RORA: variants seen among roughly 807,000 people sequenced by gnomAD.
RORA encodes the protein nuclear receptor ROR-alpha.
A neutral mutation model predicts 69.5 loss-of-function variants in RORA; 7 were observed. The observed-to-expected ratio is 0.10, with a 90% confidence interval of 0.06 to 0.19. The LOEUF (loss-of-function observed/expected upper bound fraction) is 0.19. Among genes scored for constraint, RORA ranks in the 10% least tolerant of loss-of-function variants. The pLI is 1.00. For synonymous variants in RORA, 261 were observed against 240.8 expected (o/e 1.08, Z -0.78); for missense variants, 457 against 663.0 (o/e 0.69, Z 3.41).
At position 60,490,228 on chromosome 15, in the gene RORA, G is replaced by T. The variant is rs2065019840; in HGVS notation, c.*7227C>A. The stretch of plus-strand genomic sequence containing the variant: ...GTGAAATTAACAAGACCCAAAGGTG[G>T]TATTGTCTAGGAATAAAAGGGATAA... On this transcript the variant is annotated 3_prime_UTR_variant, in exon 11 of 11. Coordinates refer to ENST00000335670, the MANE Select transcript of RORA (RefSeq NM_134261.3). The surrounding 1 kb of genome is among the most constrained non-coding windows in gnomAD (Gnocchi z 4.1). The T allele has an allele frequency of 6.6e-6, 1 of 151,490 alleles. No homozygotes were observed. The highest frequency in any genetic ancestry group is 1.5e-5 in the Non-Finnish European group (1 of 67,880). 9.4% of individuals were successfully genotyped at this position (151,490 alleles called of 1,614,324 possible).
intron 1 of RORA, among the ~76,000 whole-genome samples, chr15:61,224,636 C>T (rs923395745): frequency 6.6e-6 from 1 of 152,146 alleles, no homozygotes; most frequent in African/African-American, 2.4e-5. Flanking sequence ...GTGACATGTC[C>T]AAGGAAAAGA....
At chr15:60,765,378 C>T (rs1432699000) in intron 1 of RORA, 3 of 152,068 alleles carry the variant, frequency 2.0e-5, no homozygotes, top group Non-Finnish European at 2.9e-5. Flanking sequence ...ACTCCCAAAA[C>T]AATCCTACCT....
In RORA at chr15:60,636,441, C is replaced by T. The variant is rs113532581; in HGVS notation, c.196+42216G>A. On this transcript the variant is annotated intron_variant, in intron 2 of 10. Coordinates refer to ENST00000335670, the MANE Select transcript of RORA (RefSeq NM_134261.3). ...TGGTTTTTGCAATTACTTTTAATAGCGAATCCCCGCCCCCCAAAATCATCT... is the reference window on the plus strand; with the variant it reads ...TGGTTTTTGCAATTACTTTTAATAGTGAATCCCCGCCCCCCAAAATCATCT... Among the ~76,000 whole-genome samples the T allele has an allele frequency of 1.5e-3, 224 of 152,222 alleles. 1 individual carries two copies. Among genetic ancestry groups the T allele is most frequent in the African/African-American group, 5.2e-3 (214 of 41,548 alleles).
chr15:61,097,450 A>G (rs1263079995), intron 1 of RORA, among the ~76,000 whole-genome samples: 5 of 151,754 alleles, frequency 3.3e-5, no homozygotes, highest in African/African-American at 4.8e-5. Context: ...CTCCCTTCAC[A>G]GTAGCCACCC....
At chr15:60,667,522 A>G (rs1596109983) in intron 2 of RORA, among the ~76,000 whole-genome samples, 1 of 152,232 alleles carries the variant, frequency 6.6e-6, no homozygotes, top group African/African-American at 2.4e-5. Context: ...GGTGTGGACA[A>G]TAAAAAACCG....
chr15:60,747,183 C>G (rs1283364854), intron 1 of RORA, among the ~76,000 whole-genome samples: 3 of 152,164 alleles, frequency 2.0e-5, no homozygotes, highest in Admixed American at 6.5e-5. Flanking sequence ...CTAAGTATGG[C>G]CCACCTCCCA....
chr15:60,559,486 G>A (rs1382219807), intron 2 of RORA, among the ~76,000 whole-genome samples: 2 of 152,198 alleles, frequency 1.3e-5, no homozygotes, highest in Non-Finnish European at 2.9e-5. Flanking sequence ...CTGAAATCAA[G>A]TGCATTCACT....
chr15:61,151,701 T>C (rs1041100506), intron 1 of RORA, among the ~76,000 whole-genome samples: 4 of 152,236 alleles, frequency 2.6e-5, no homozygotes, highest in African/African-American at 7.2e-5. Context: ...TGTCTTTACC[T>C]GTAAAACGAA....
chr15:60,761,198 T>A (rs1040698958), intron 1 of RORA, among the ~76,000 whole-genome samples: 2 of 152,008 alleles, frequency 1.3e-5, no homozygotes, highest in African/African-American at 4.8e-5. Context: ...GACGTGGGGG[T>A]GCCACCCAGC....
intron 1 of RORA, among the ~76,000 whole-genome samples, chr15:60,737,070 T>C (rs341412): frequency 1 from 152,268 of 152,278 alleles, 76,129 homozygotes; most frequent in Middle Eastern, 1. Context: ...ACCCCTGCAG[T>C]GCCTTTATCC....
chr15:60,882,678 C>T (rs1424015472), intron 1 of RORA, among the ~76,000 whole-genome samples: 1 of 151,932 alleles, frequency 6.6e-6, no homozygotes, highest in Admixed American at 6.6e-5. Context: ...CACAAACACA[C>T]ACACACGGTC....
At chr15:60,988,314 G>C (rs1894271564) in intron 1 of RORA, among the ~76,000 whole-genome samples, 2 of 152,276 alleles carry the variant, frequency 1.3e-5, no homozygotes, top group Non-Finnish European at 2.9e-5. Context: ...TAGAAAGTCA[G>C]AAGCAAATGT....
At chr15:61,079,088 C>T (rs756795666) in intron 1 of RORA, among the ~76,000 whole-genome samples, 5 of 152,174 alleles carry the variant, frequency 3.3e-5, no homozygotes, top group Middle Eastern at 6.8e-3. Flanking sequence ...AACTCCCTTA[C>T]TAACCAATTA....
intron 1 of RORA, among the ~76,000 whole-genome samples, chr15:60,816,075 A>AGTATATGTATACTGTAAACAGTATAT: frequency 7.5e-6 from 1 of 134,132 alleles, no homozygotes. Flanking sequence ...TACTATAAAC[A>AGTATATGTATACTGTAAACAGTATAT]GTATATGTAT....
intron 1 of RORA, among the ~76,000 whole-genome samples, chr15:61,022,848 G>A (rs1370224761): frequency 6.6e-6 from 1 of 152,082 alleles, no homozygotes; most frequent in African/African-American, 2.4e-5. Flanking sequence ...CCTCAGGTAA[G>A]AGATGCAGGG....
At chr15:60,581,631 T>G (rs1263482533) in intron 2 of RORA, among the ~76,000 whole-genome samples, 2 of 152,230 alleles carry the variant, frequency 1.3e-5, no homozygotes, top group Admixed American at 1.3e-4. Flanking sequence ...TCAGATTTTC[T>G]TTTCAAACTC....
chr15:60,817,914 T>C (rs2072839366), intron 1 of RORA, among the ~76,000 whole-genome samples: 1 of 152,276 alleles, frequency 6.6e-6, no homozygotes, highest in Non-Finnish European at 1.5e-5. Context: ...AATACAAGGA[T>C]ACAGTTTTCT....
chr15:60,972,562 C>T (rs984777322), intron 1 of RORA, among the ~76,000 whole-genome samples: 2 of 152,140 alleles, frequency 1.3e-5, no homozygotes, highest in African/African-American at 4.8e-5. Flanking sequence ...GTATGCATGT[C>T]TCACTGCACG....
intron 1 of RORA, among the ~76,000 whole-genome samples, chr15:61,066,502 C>T (rs2078261482): frequency 6.9e-6 from 1 of 145,196 alleles, no homozygotes; most frequent in Non-Finnish European, 1.5e-5. Context: ...TCTCAGCTCA[C>T]TGCAACCTCC....
Sources: gnomAD v4.1 joint callset for allele counts (sites outside exome capture counted in the v4.1 genomes callset) on GRCh38, gnomAD v4.1.1 for gene constraint, Gnocchi (gnomAD v3.1) non-coding constraint, MANE v1.5 for transcripts, NCBI Gene and HGNC (gene_info 2026-07-23, HGNC 2026-07-21) for gene names.